KHDRBS2: variants seen among roughly 807,000 people sequenced by gnomAD.
The protein encoded by KHDRBS2 is KH RNA binding domain containing, signal transduction associated 2.
KHDRBS2 carries 26 observed loss-of-function variants against 44.3 expected under a neutral mutation model. The ratio of observed to expected loss-of-function variants is 0.59; its 90% CI spans 0.43 to 0.81. The LOEUF is 0.81. KHDRBS2 is among the 40% of genes least tolerant of loss of function. KHDRBS2 has a pLI of 0.00. For synonymous variants in KHDRBS2, 194 were observed against 151.1 expected (o/e 1.28, Z -2.08); for missense variants, 476 against 433.1 (o/e 1.10, Z -0.88).
At chr6:61,554,890 T>C in the KHDRBS2 span, among the ~76,000 whole-genome samples, 1 of 152,218 alleles carries the variant, frequency 6.6e-6, no homozygotes, top group African/African-American at 2.4e-5. Context: ...GTTAGCCTGA[T>C]GGGGTTCCCT....
intron 4 of KHDRBS2, among the ~76,000 whole-genome samples, chr6:61,945,111 A>T (rs1351146586): frequency 0.1 from 3,885 of 37,442 alleles, 443 homozygotes; most frequent in Middle Eastern, 0.13. Context: ...AAAAAAAAAA[A>T]AGTATATATA....
At chr6:61,562,884 T>G in the KHDRBS2 span, among the ~76,000 whole-genome samples, 2 of 152,284 alleles carry the variant, frequency 1.3e-5, no homozygotes, top group Non-Finnish European at 2.9e-5. Context: ...TACATGAGGA[T>G]GAGTTGTTAT....
rs145039224 is a variant in KHDRBS2 at position 61,989,040 on chromosome 6, A to G, written c.337-10828T>C. The stretch of plus-strand genomic sequence containing the variant: ...AAAAGACATGATTTACCATGTACAG[A>G]CAAATACAAATTAAAAATCAGAGGC... On this transcript the variant is annotated intron_variant, in intron 3 of 8. Coordinates refer to ENST00000281156, the MANE Select transcript of KHDRBS2 (RefSeq NM_152688.4). Among the ~76,000 whole-genome samples, 8 of 152,350 alleles carry G rather than the reference A, an allele frequency of 5.3e-5. No individual in the cohort carries two copies. In the East Asian group the frequency reaches 1.2e-3, roughly 22 times the overall value.
chr6:62,196,462 T>C (rs1476252754), intron 1 of KHDRBS2, among the ~76,000 whole-genome samples: 1 of 152,146 alleles, frequency 6.6e-6, no homozygotes, highest in Non-Finnish European at 1.5e-5. Context: ...TGTACAGTAC[T>C]ACAAAAGGTT....
chr6:61,667,127 CA>C, the KHDRBS2 span, among the ~76,000 whole-genome samples: 1 of 145,438 alleles, frequency 6.9e-6, no homozygotes, highest in Admixed American at 6.9e-5. Flanking sequence ...CCAATAGCCG[CA>C]AAGTACTTTT....
intron 6 of KHDRBS2, among the ~76,000 whole-genome samples, chr6:61,798,701 CTTAT>C (rs1485049078): frequency 6.6e-6 from 1 of 151,814 alleles, no homozygotes; most frequent in African/African-American, 2.4e-5. Context: ...GGCATTTTAG[CTTAT>C]TTATTATTTA....
chr6:61,794,252 A>T (rs1325698330), intron 6 of KHDRBS2, among the ~76,000 whole-genome samples: 3 of 152,190 alleles, frequency 2.0e-5, no homozygotes, highest in Non-Finnish European at 4.4e-5. Context: ...CCTGGGAAGT[A>T]CAATATTACC....
chr6:61,707,987 T>TA (rs1230418789), intron 7 of KHDRBS2, among the ~76,000 whole-genome samples: 8 of 151,786 alleles, frequency 5.3e-5, no homozygotes, highest in East Asian at 1.9e-4. Flanking sequence ...TATTTAAATA[T>TA]AAAAAATATA....
At chr6:61,582,262 T>A in the KHDRBS2 span, among the ~76,000 whole-genome samples, 2 of 151,524 alleles carry the variant, frequency 1.3e-5, no homozygotes, top group African/African-American at 4.8e-5. Flanking sequence ...TTATTTAGAC[T>A]GAACAATGAA....
chr6:62,008,830 C>T (rs1306869693), intron 3 of KHDRBS2, among the ~76,000 whole-genome samples: 1 of 152,190 alleles, frequency 6.6e-6, no homozygotes, highest in Non-Finnish European at 1.5e-5. Context: ...TCCTCCTTGC[C>T]TTCCAACATG....
chr6:61,848,491 GTATATATATA>G (rs1180750340), intron 6 of KHDRBS2, among the ~76,000 whole-genome samples: 1 of 30,482 alleles, frequency 3.3e-5, no homozygotes, highest in African/African-American at 1.6e-4. Flanking sequence ...ATATATATAT[GTATATATATA>G]TATATATATG....
chr6:62,229,545 G>A (rs1204020159), intron 1 of KHDRBS2, among the ~76,000 whole-genome samples: 3 of 152,204 alleles, frequency 2.0e-5, no homozygotes, highest in Non-Finnish European at 4.4e-5. Context: ...CTCCCCACTG[G>A]AGCTCGGCTG....
the KHDRBS2 span, among the ~76,000 whole-genome samples, chr6:61,561,046 C>T: frequency 6.6e-6 from 1 of 152,102 alleles, no homozygotes; most frequent in Non-Finnish European, 1.5e-5. Flanking sequence ...GGTAGGCACC[C>T]CAAACCCAGT....
chr6:61,777,565 G>C (rs1435214156), intron 6 of KHDRBS2, among the ~76,000 whole-genome samples: 1 of 152,094 alleles, frequency 6.6e-6, no homozygotes, highest in Non-Finnish European at 1.5e-5. Flanking sequence ...CCTCATTTGG[G>C]AAAGTACAGA....
At chr6:61,644,607 T>C in the KHDRBS2 span, among the ~76,000 whole-genome samples, 7 of 151,950 alleles carry the variant, frequency 4.6e-5, no homozygotes, top group African/African-American at 1.4e-4. Context: ...TGAGCAAATA[T>C]ACAAGAAACA....
intron 4 of KHDRBS2, among the ~76,000 whole-genome samples, chr6:61,916,533 A>C (rs2127355588): frequency 6.6e-6 from 1 of 152,120 alleles, no homozygotes; most frequent in African/African-American, 2.4e-5. Context: ...TTAGTTAAAA[A>C]AGTGAAAAAT....
chr6:61,863,259 G>GTTTTTTTT (rs61624926), intron 6 of KHDRBS2, among the ~76,000 whole-genome samples: 3 of 134,608 alleles, frequency 2.2e-5, no homozygotes, highest in Non-Finnish European at 1.6e-5. Flanking sequence ...TTTTGAAGGG[G>GTTTTTTTT]TTTTTTTTTT....
At chr6:61,576,273 G>C in the KHDRBS2 span, among the ~76,000 whole-genome samples, 1 of 152,028 alleles carries the variant, frequency 6.6e-6, no homozygotes, top group Non-Finnish European at 1.5e-5. Flanking sequence ...TCAGTGTTTT[G>C]TAGTGTTCCT....
chr6:61,813,995 G>C (rs752582064), intron 6 of KHDRBS2: 15 of 455,676 alleles, frequency 3.3e-5, no homozygotes, highest in Middle Eastern at 3.2e-4. Flanking sequence ...AAAAAGCTTC[G>C]TCCTGGGTTA....
Sources: allele counts gnomAD v4.1 joint callset (sites outside exome capture counted in the v4.1 genomes callset), GRCh38; gene constraint gnomAD v4.1.1; transcripts MANE v1.5; gene names NCBI Gene and HGNC (gene_info 2026-07-23, HGNC 2026-07-21).